The following RRAGD variants were observed in gnomAD, a reference collection of about 807,000 sequenced individuals.
RRAGD encodes ras-related GTP-binding protein D.
A neutral mutation model predicts 35.5 loss-of-function variants in RRAGD; 12 were observed. The observed-to-expected ratio is 0.34, with a 90% CI of 0.22 to 0.55. RRAGD has a LOEUF of 0.55. Ranked by LOEUF, RRAGD falls within the 20% of genes least tolerant of loss-of-function variation. The pLI is 0.91. For synonymous variants in RRAGD, 155 were observed against 178.9 expected (o/e 0.87, Z 1.07); for missense variants, 324 against 490.1 (o/e 0.66, Z 3.20).
chr6:89,384,162 A>T (rs1394993506), intron 2 of RRAGD, among the ~76,000 whole-genome samples: 1 of 152,082 alleles, frequency 6.6e-6, no homozygotes, highest in African/African-American at 2.4e-5. Flanking sequence ...ACTTCCCTAA[A>T]GTTTTGATTT....
chr6:89,383,981 G>A (rs1219634580), intron 2 of RRAGD, among the ~76,000 whole-genome samples: 1 of 151,788 alleles, frequency 6.6e-6, no homozygotes, highest in East Asian at 1.9e-4. Context: ...ACTTAGCTGG[G>A]TGTGGTGGCT....
At chr6:89,370,666 A>G (rs1465733516) in intron 6 of RRAGD, among the ~76,000 whole-genome samples, 2 of 152,214 alleles carry the variant, frequency 1.3e-5, no homozygotes, top group Non-Finnish European at 2.9e-5. Flanking sequence ...ATTAAAATCT[A>G]GAAACAACAT....
At chr6:89,389,985 G>C (rs1348205839) in intron 1 of RRAGD, among the ~76,000 whole-genome samples, 1 of 152,158 alleles carries the variant, frequency 6.6e-6, no homozygotes, top group Non-Finnish European at 1.5e-5. Context: ...ACATGCAAAA[G>C]AATGAAGTTA....
rs566745449 is a variant in RRAGD at position 89,370,710 on chromosome 6, A to T, written c.1051+1727T>A. On this transcript the variant is annotated intron_variant, in intron 6 of 6. Coordinates refer to ENST00000369415, the MANE Select transcript of RRAGD (RefSeq NM_021244.5). ...GAAAATAGAAGAATCTAATACAATCATTAAAATGATGTGGTTAAAAAAAGA... is the reference window on the plus strand; with the variant it reads ...GAAAATAGAAGAATCTAATACAATCTTTAAAATGATGTGGTTAAAAAAAGA... Among the ~76,000 whole-genome samples the T allele has an allele frequency of 2.0e-5, 3 of 152,324 alleles. No homozygotes were observed. The East Asian group carries it at 5.8e-4, about 29-fold the overall frequency.
chr6:89,377,703 T>C lies in RRAGD; in HGVS notation c.870A>G (p.Ile290Met). ...MQTYELCCDM[I>M]DVVIDISCIY... ...TACAAGAGATGTCAATAACCACATC[T>C]ATCATATCACAGCAGAGCTCATAGG... Residue 290 changes from isoleucine (I) to methionine (M), a missense_variant, in exon 5 of 7, where the codon ATA (isoleucine) becomes ATG (methionine). Ile to Met is a conservative substitution (Grantham distance 10). Around this residue, in one of 5 missense-constraint regions of RRAGD, gnomAD observed 152 missense variants for 296.9 expected, o/e 0.51. Transcript: ENST00000369415. The C allele has an allele frequency of 6.2e-7, 1 of 1,604,530 alleles. No homozygotes were observed. Among genetic ancestry groups the C allele is most frequent in the Non-Finnish European group, 8.5e-7 (1 of 1,177,086 alleles).
intron 4 of RRAGD, 128 bp downstream of exon 4, chr6:89,379,096 A>G (rs1768998965): frequency 5.5e-6 from 3 of 544,854 alleles, no homozygotes; most frequent in Admixed American, 3.6e-5. Context: ...CGTAGGAGTA[A>G]TCTTTAAAAG....
intron 5 of RRAGD, among the ~76,000 whole-genome samples, chr6:89,374,929 A>G (rs1380579199): frequency 6.6e-6 from 1 of 152,234 alleles, no homozygotes; most frequent in Non-Finnish European, 1.5e-5. Context: ...TCTCTTGCTT[A>G]TAAGTAATGT....
At chr6:89,394,426 T>TA (rs1769294368) in intron 1 of RRAGD, among the ~76,000 whole-genome samples, 1 of 152,100 alleles carries the variant, frequency 6.6e-6, no homozygotes, top group Non-Finnish European at 1.5e-5. Context: ...GAACAGATCT[T>TA]AAAAAGACAA....
chr6:89,410,667 G>C (rs1052556100), intron 1 of RRAGD, among the ~76,000 whole-genome samples: 3 of 152,230 alleles, frequency 2.0e-5, no homozygotes, highest in Non-Finnish European at 4.4e-5. Context: ...TCATCTACCA[G>C]GCGCAAGGCA....
intron 3 of RRAGD, among the ~76,000 whole-genome samples, chr6:89,379,785 C>G (rs374978615): frequency 1.3e-5 from 2 of 152,046 alleles, no homozygotes; most frequent in Admixed American, 6.6e-5. Flanking sequence ...CATTGTTTTC[C>G]TTTGTGAGGA....
chr6:89,394,212 T>A (rs1465273078), intron 1 of RRAGD, among the ~76,000 whole-genome samples: 3 of 151,046 alleles, frequency 2.0e-5, no homozygotes, highest in African/African-American at 7.3e-5. Context: ...ATGGAGAAAC[T>A]TAAAAACAAG....
chr6:89,409,277 A>G (rs1769648487), intron 1 of RRAGD, among the ~76,000 whole-genome samples: 1 of 152,202 alleles, frequency 6.6e-6, no homozygotes, highest in Admixed American at 6.5e-5. Context: ...TTGCAACTTA[A>G]CTGGCAATAC....
chr6:89,376,989 CT>C (rs1162173652), intron 5 of RRAGD, among the ~76,000 whole-genome samples: 1 of 152,166 alleles, frequency 6.6e-6, no homozygotes, highest in Non-Finnish European at 1.5e-5. Context: ...CCTCCTCAGC[CT>C]ACTCAATGTG....
At chr6:89,400,720 T>C (rs1456802306) in intron 1 of RRAGD, among the ~76,000 whole-genome samples, 1 of 152,144 alleles carries the variant, frequency 6.6e-6, no homozygotes, top group Non-Finnish European at 1.5e-5. Context: ...CTCAGCCTCC[T>C]GCAGAAGGCT....
rs1201323301 is a variant in RRAGD at position 89,412,129 on chromosome 6, CCGCGCGTCCCCCGGCGGGCGG to C, written c.-157_-137del. On this transcript the variant is annotated 5_prime_UTR_variant, in exon 1 of 7. Coordinates refer to ENST00000369415, the MANE Select transcript of RRAGD (RefSeq NM_021244.5). The surrounding 1 kb of genome is among the most constrained non-coding windows in gnomAD (Gnocchi z 4.2). ...CAGCGGGGCCCGGCGGAAGCGGGGGCCGCGCGTCCCCCGGCGGGCGGCGCCCAGGTCCGGGTCCCGCGGTTC... is the reference window on the plus strand; with the variant it reads ...CAGCGGGGCCCGGCGGAAGCGGGGGCCGCCCAGGTCCGGGTCCCGCGGTTC... 17 of 829,298 alleles carry C rather than the reference CCGCGCGTCCCCCGGCGGGCGG, an allele frequency of 2.0e-5. No individual in the cohort carries two copies. In the African/African-American group the frequency reaches 2.9e-4, roughly 14 times the overall value. The allele number at this position is 829,298 out of a possible 1,614,324, so 51.4% of individuals were successfully genotyped here. A position where few individuals can be genotyped will look rare whatever the true frequency, so the allele number is the denominator to read the frequency against.
At chr6:89,406,914 C>A (rs1419763479) in intron 1 of RRAGD, among the ~76,000 whole-genome samples, 1 of 152,200 alleles carries the variant, frequency 6.6e-6, no homozygotes, top group Non-Finnish European at 1.5e-5. Context: ...GTTTGAGCAG[C>A]AGAGCACTTA....
chr6:89,394,611 G>A (rs777548520), intron 1 of RRAGD, among the ~76,000 whole-genome samples: 1 of 152,094 alleles, frequency 6.6e-6, no homozygotes, highest in Admixed American at 6.5e-5. Context: ...CACCCAAAAT[G>A]AGTACAATGT....
rs1384624366 is a variant in RRAGD, at chr6:89,366,492, T to A, written c.*1564A>T. ...AGTGAGCTATGATTGTACCAATGTA[T>A]TCCAGCACAAGCAACAGAATGAGGC... On this transcript the variant is annotated 3_prime_UTR_variant, in exon 7 of 7. Transcript: ENST00000369415. 1.3e-5 allele frequency: 2 copies of A among 149,128 alleles called. No individual in the cohort carries two copies. The highest frequency in any genetic ancestry group is 3.9e-4 in the East Asian group (2 of 5,078). The allele number at this position is 149,128 out of a possible 1,614,324, so 9.2% of individuals were successfully genotyped here. A position where few individuals can be genotyped will look rare whatever the true frequency, so the allele number is the denominator to read the frequency against.
At chr6:89,370,657 T>C (rs1768838956) in intron 6 of RRAGD, among the ~76,000 whole-genome samples, 1 of 152,082 alleles carries the variant, frequency 6.6e-6, no homozygotes, top group Non-Finnish European at 1.5e-5. Context: ...ATTTATAACA[T>C]TAAAATCTAG....
Sources: allele counts gnomAD v4.1 joint callset (sites outside exome capture counted in the v4.1 genomes callset), GRCh38; gene constraint gnomAD v4.1.1; regional missense constraint gnomAD v4.1.1; non-coding constraint Gnocchi (gnomAD v3.1); transcripts MANE v1.5; gene names NCBI Gene and HGNC (gene_info 2026-07-23, HGNC 2026-07-21).